The following ZNF236 variants were observed in gnomAD, a reference collection of about 807,000 sequenced individuals.
ZNF236 encodes regulated by glucose.
ZNF236 carries 50 observed loss-of-function variants against 191.2 expected under a neutral mutation model. The observed-to-expected ratio is 0.26, with a 90% confidence interval of 0.21 to 0.33. The LOEUF is 0.33. Among genes scored for constraint, ZNF236 ranks in the 10% least tolerant of loss-of-function variants. The probability of loss-of-function intolerance (pLI) is 1.00; values close to 1 mark genes in which losing one functional copy is unlikely to be tolerated. For missense variants in ZNF236, 1,754 were observed against 2,374.5 expected, an observed-to-expected ratio of 0.74 and a Z score of 5.43; for synonymous variants, 907 against 928.8, an observed-to-expected ratio of 0.98 and a Z score of 0.43.
rs147165223 is a variant in ZNF236 at position 76,846,064 on chromosome 18, A to C, written c.56-3462A>C. Among the ~76,000 whole-genome samples the C allele has an allele frequency of 8.7e-4, 133 of 152,334 alleles. 1 individual carries two copies. The highest frequency in any genetic ancestry group is 2.8e-3 in the African/African-American group (116 of 41,576). ...CAGGGTCCACAGTCTCCTGCAGCCT[A>C]GCTGGGGCTCCTTTCAGTTAAAAGC... On this transcript the variant is annotated intron_variant, in intron 1 of 30. Coordinates refer to ENST00000320610, the MANE Select transcript of ZNF236 (RefSeq NM_001306089.2).
chr18:76,890,947 C>G (rs1977212047), intron 9 of ZNF236, among the ~76,000 whole-genome samples: 1 of 152,162 alleles, frequency 6.6e-6, no homozygotes, highest in Admixed American at 6.5e-5. Flanking sequence ...ACCACTTCCA[C>G]TTAATGAATA....
At chr18:76,935,927 C>A (rs948047433) in intron 25 of ZNF236, 1 of 455,290 alleles carries the variant, frequency 2.2e-6, no homozygotes, top group African/African-American at 2.0e-5. Context: ...GCCCCGGCGG[C>A]TGCTTCAGCG....
Position 76,875,407 on chromosome 18 carries a change from G to T in ZNF236, c.668-85G>T. On this transcript the variant is annotated intron_variant, in intron 5 of 30. Coordinates refer to ENST00000320610, the MANE Select transcript of ZNF236 (RefSeq NM_001306089.2). This position sits in a 1 kb window ranked among gnomAD's most constrained non-coding sequence, Gnocchi z 4.3. ...ACATTTTGGCTGGAGGGATAGGTTT[G>T]GGTAACTTCAGTGTTGTTCTTTTCA... The T allele has an allele frequency of 7.6e-7, 1 of 1,309,618 alleles. No homozygotes were observed. The highest frequency in any genetic ancestry group is 2.1e-5 in the South Asian group (1 of 46,648). 81.1% of individuals were successfully genotyped at this position (1,309,618 alleles called of 1,614,324 possible). A position where few individuals can be genotyped will look rare whatever the true frequency, so the allele number is the denominator to read the frequency against.
intron 30 of ZNF236, among the ~76,000 whole-genome samples, chr18:76,964,264 A>G (rs1968724937): frequency 6.6e-6 from 1 of 152,130 alleles, no homozygotes; most frequent in Middle Eastern, 3.4e-3. Flanking sequence ...TTATGTCACT[A>G]TGGTTGTTCA....
chr18:76,876,086 G>A lies in ZNF236; in HGVS notation c.840+422G>A, dbSNP rs565889507. The stretch of plus-strand genomic sequence containing the variant: ...TACAGAGCTCATATGGTACATGTCC[G>A]TTCCCTCTTGGACAGAGGCCTGCTT... On this transcript the variant is annotated intron_variant, in intron 6 of 30. Coordinates refer to ENST00000320610, the MANE Select transcript of ZNF236 (RefSeq NM_001306089.2). Among the ~76,000 whole-genome samples the A allele has an allele frequency of 5.3e-5, 8 of 152,286 alleles. 1 individual carries two copies. The South Asian group carries it at 1.2e-3, about 24-fold the overall frequency.
chr18:76,845,842 C>T (rs967450955), intron 1 of ZNF236, among the ~76,000 whole-genome samples: 3 of 151,286 alleles, frequency 2.0e-5, no homozygotes, highest in Non-Finnish European at 4.4e-5. Context: ...GAGTGAGACT[C>T]CATCTTAAAA....
At chr18:76,961,375 G>A (rs1400061906) in intron 30 of ZNF236, among the ~76,000 whole-genome samples, 1 of 104,466 alleles carries the variant, frequency 9.6e-6, no homozygotes, top group East Asian at 2.8e-4. Context: ...CATTGTGTGT[G>A]TGTGTGTGTG....
At chr18:76,836,276 A>G (rs1975322251) in intron 1 of ZNF236, among the ~76,000 whole-genome samples, 1 of 151,804 alleles carries the variant, frequency 6.6e-6, no homozygotes, top group Non-Finnish European at 1.5e-5. Flanking sequence ...GCTGGAGTGC[A>G]GTGGTGCGAG....
At chr18:76,848,280 G>C (rs1406022623) in intron 1 of ZNF236, among the ~76,000 whole-genome samples, 3 of 152,250 alleles carry the variant, frequency 2.0e-5, no homozygotes, top group Admixed American at 6.5e-5. Flanking sequence ...TGGTTCTTCA[G>C]CTTACCCTGT....
Position 76,880,506 on chromosome 18 carries a change from T to C in ZNF236, c.1188+190T>C, listed in dbSNP as rs1976861121. Among the ~76,000 whole-genome samples, 1 of 152,170 alleles carries C rather than the reference T, an allele frequency of 6.6e-6. No homozygotes were observed. The highest frequency in any genetic ancestry group is 2.1e-4 in the South Asian group (1 of 4,822). ...GACGGCGCAACATTCAAATGATTTA[T>C]TCATCTATACATTAAAAAAAAAATC... is the stretch of plus-strand genomic sequence containing the variant. On this transcript the variant is annotated intron_variant, in intron 8 of 30. Transcript: ENST00000320610. The surrounding 1 kb of genome is among the most constrained non-coding windows in gnomAD (Gnocchi z 5.0).
At chr18:76,949,451 G>C (rs925809951) in intron 27 of ZNF236, among the ~76,000 whole-genome samples, 1 of 152,050 alleles carries the variant, frequency 6.6e-6, no homozygotes, top group Non-Finnish European at 1.5e-5. Context: ...AAATTTGACA[G>C]ATTAAATATA....
chr18:76,955,677 A>T (rs1968506169), intron 27 of ZNF236, among the ~76,000 whole-genome samples: 1 of 152,184 alleles, frequency 6.6e-6, no homozygotes, highest in Admixed American at 6.5e-5. Flanking sequence ...GGACTGGTTA[A>T]GTACTTAGCC....
chr18:76,857,719 T>C (rs922718577), intron 3 of ZNF236, among the ~76,000 whole-genome samples: 4 of 152,306 alleles, frequency 2.6e-5, no homozygotes, highest in African/African-American at 9.6e-5. Context: ...GCTCTTCTAG[T>C]GTGTCTCTGC....
At chr18:76,959,650 T>A in intron 28 of ZNF236, 37 bp from the exon 29 acceptor site, 1 of 1,573,428 alleles carries the variant, frequency 6.4e-7, no homozygotes, top group Non-Finnish European at 8.6e-7. Flanking sequence ...AAAGCTGTTT[T>A]GATCTTGTTT....
At chr18:76,947,676 A>G in intron 27 of ZNF236, 24 bp downstream of exon 27, 1 of 1,610,458 alleles carries the variant, frequency 6.2e-7, no homozygotes, top group Non-Finnish European at 8.5e-7. Flanking sequence ...CTTCATTCAC[A>G]GAGCTTTTGT....
intron 13 of ZNF236, among the ~76,000 whole-genome samples, chr18:76,907,696 C>CT (rs56268678): frequency 0.26 from 37,187 of 141,088 alleles, 5,618 homozygotes; most frequent in East Asian, 0.35. Context: ...AGATTTTTTT[C>CT]TTTTTTTTTT....
intron 9 of ZNF236, chr18:76,888,125 A>C (rs1240559092): frequency 6.6e-6 from 1 of 152,084 alleles, no homozygotes; most frequent in Non-Finnish European, 1.5e-5. Context: ...GTAATCCAGC[A>C]CTTTGGGAGG....
intron 26 of ZNF236, among the ~76,000 whole-genome samples, chr18:76,944,034 G>A (rs1163611179): frequency 2.6e-5 from 4 of 152,200 alleles, no homozygotes; most frequent in East Asian, 3.8e-4. Flanking sequence ...CCTTTCATCA[G>A]TATCCAGCCC....
At chr18:76,913,724 A>C (rs1967280435) in intron 17 of ZNF236, 23 bp from the exon 18 acceptor site, 4 of 1,610,026 alleles carry the variant, frequency 2.5e-6, no homozygotes, top group Non-Finnish European at 3.4e-6. Context: ...ACGTGGTCTG[A>C]GTTCTGTATG....
Sources: gnomAD v4.1 joint callset for allele counts (sites outside exome capture counted in the v4.1 genomes callset) on GRCh38, gnomAD v4.1.1 for gene constraint, Gnocchi (gnomAD v3.1) non-coding constraint, MANE v1.5 for transcripts, NCBI Gene and HGNC (gene_info 2026-07-23, HGNC 2026-07-21) for gene names.